Variants in CDC5L observed in about 807,000 individuals in gnomAD.
CDC5L encodes cell division cycle 5 like, also known as cell division cycle 5-like protein.
CDC5L carries 18 observed loss-of-function variants against 104.1 expected under a neutral mutation model. The ratio of observed to expected loss-of-function variants is 0.17; its 90% CI spans 0.12 to 0.26. The LOEUF (loss-of-function observed/expected upper bound fraction) is 0.26, where lower values mean the gene tolerates loss of function less well. Among genes scored for constraint, CDC5L ranks in the 10% least tolerant of loss-of-function variants. The pLI, the probability that CDC5L is intolerant of heterozygous loss-of-function variation, is 1.00. For synonymous variants in CDC5L, 331 were observed against 322.7 expected (o/e 1.03, Z -0.28); for missense variants, 673 against 956.9 (o/e 0.70, Z 3.91).
chr6:44,414,812 T>A (rs1161996958), intron 8 of CDC5L, among the ~76,000 whole-genome samples: 1 of 152,232 alleles, frequency 6.6e-6, no homozygotes, highest in African/African-American at 2.4e-5. Flanking sequence ...TATCTTTTTC[T>A]TTTTTGCTTA....
At chr6:44,424,328 C>A in intron 10 of CDC5L, 91 bp from the exon 11 acceptor site, 1 of 1,077,358 alleles carries the variant, frequency 9.3e-7, no homozygotes, top group Non-Finnish European at 1.4e-6. Flanking sequence ...CTAGAGTCAC[C>A]CTGTTGTGCT....
chr6:44,394,855 C>CAA (rs60864045), intron 4 of CDC5L, among the ~76,000 whole-genome samples: 1 of 59,064 alleles, frequency 1.7e-5, no homozygotes, highest in East Asian at 5.9e-4. Flanking sequence ...GACCCTGTCT[C>CAA]AAAAAAAAAA....
intron 15 of CDC5L, 64 bp downstream of exon 15, chr6:44,445,931 C>T (rs1301136802): frequency 5.7e-6 from 7 of 1,229,124 alleles, no homozygotes. Flanking sequence ...GGGCTGTCCT[C>T]TTTTACTTCT....
At chr6:44,388,128 G>C (rs1195388522) in intron 1 of CDC5L, among the ~76,000 whole-genome samples, 1 of 136,552 alleles carries the variant, frequency 7.3e-6, no homozygotes, top group Non-Finnish European at 1.5e-5. Context: ...TTGTTGACTT[G>C]AATACGCCCC....
rs487711 is a variant in CDC5L at position 44,430,146 on chromosome 6, G to C, written c.2091+236G>C. Reference sequence around the variant, plus strand: ...TTGTTGGCCTTCATGACTAAAGAGTGCCCTGCAAGTTGACCAGAGGTCAAT... The same window carrying C: ...TTGTTGGCCTTCATGACTAAAGAGTCCCCTGCAAGTTGACCAGAGGTCAAT... On this transcript the variant is annotated intron_variant, in intron 14 of 15. Coordinates refer to ENST00000371477, the MANE Select transcript of CDC5L (RefSeq NM_001253.4). Among the ~76,000 whole-genome samples, 1,103 of 151,164 alleles carry C rather than the reference G, an allele frequency of 7.3e-3. 11 individuals are homozygous for C. Among genetic ancestry groups the C allele is most frequent in the African/African-American group, 0.025 (1,026 of 41,148 alleles).
In CDC5L at chr6:44,445,538, GTTC is replaced by G. The variant is rs1380138871; in HGVS notation, c.2092-115_2092-113del. The G allele has an allele frequency of 1.4e-5, 9 of 648,334 alleles. No homozygotes were observed. The African/African-American group carries it at 1.7e-4, about 12-fold the overall frequency. 40.2% of individuals were successfully genotyped at this position (648,334 alleles called of 1,614,324 possible). On this transcript the variant is annotated intron_variant, in intron 14 of 15. Coordinates refer to ENST00000371477, the MANE Select transcript of CDC5L (RefSeq NM_001253.4). ...TGTTACAGTAATTGAGCTATAAGGA[GTTC>G]TAGTGTATTTTTGCTTTGAGACACA...
intron 10 of CDC5L, among the ~76,000 whole-genome samples, 170 bp from the exon 11 acceptor site, chr6:44,424,249 A>G (rs1045823171): frequency 8.5e-5 from 13 of 152,196 alleles, no homozygotes; most frequent in Admixed American, 4.6e-4. Context: ...CATCCCCTCA[A>G]GCATTTAACC....
chr6:44,432,920 C>T (rs1253295070), intron 14 of CDC5L, among the ~76,000 whole-genome samples: 1 of 152,124 alleles, frequency 6.6e-6, no homozygotes, highest in African/African-American at 2.4e-5. Flanking sequence ...CATGCTGTGT[C>T]CATTTTTACA....
In CDC5L at chr6:44,447,760, TGACA is replaced by T. The variant is rs1468179272; in HGVS notation, c.*1054_*1057del. 1 of 152,202 alleles carries T rather than the reference TGACA, an allele frequency of 6.6e-6. No individual in the cohort carries two copies. Among genetic ancestry groups the T allele is most frequent in the Non-Finnish European group, 1.5e-5 (1 of 68,020 alleles). 9.4% of individuals were successfully genotyped at this position (152,202 alleles called of 1,614,324 possible). On this transcript the variant is annotated 3_prime_UTR_variant, in exon 16 of 16. Coordinates refer to ENST00000371477, the MANE Select transcript of CDC5L (RefSeq NM_001253.4). ...AGTAGAGCTTATAGTCTTTTGAGAA[TGACA>T]GACAATTAAAATCCAAATGTTTATT...
chr6:44,415,117 T>C (rs1463450717), intron 8 of CDC5L, among the ~76,000 whole-genome samples: 1 of 152,240 alleles, frequency 6.6e-6, no homozygotes, highest in African/African-American at 2.4e-5. Flanking sequence ...GGACTTTCAA[T>C]TCTGTCTCAT....
Position 44,434,452 on chromosome 6 carries a change from A to G in CDC5L, c.2091+4542A>G, listed in dbSNP as rs374201141. On this transcript the variant is annotated intron_variant, in intron 14 of 15. Transcript: ENST00000371477. ...AATGCTGGTAATTGGTATAGAGATT[A>G]AAGGAGAATCACTCATAGACTCCTG... is the stretch of plus-strand genomic sequence containing the variant. Among the ~76,000 whole-genome samples the G allele has an allele frequency of 1.2e-4, 19 of 152,316 alleles. No individual in the cohort carries two copies. The East Asian group carries it at 2.1e-3, about 17-fold the overall frequency.
intron 11 of CDC5L, 101 bp from the exon 12 acceptor site, chr6:44,426,002 A>G (rs1473845529): frequency 7.2e-6 from 5 of 689,774 alleles, no homozygotes; most frequent in Non-Finnish European, 1.2e-5. Context: ...AACTTTAGCT[A>G]TTGAACACAC....
chr6:44,396,547 C>A, intron 5 of CDC5L, 107 bp downstream of exon 5: 1 of 655,040 alleles, frequency 1.5e-6, no homozygotes, highest in Non-Finnish European at 2.7e-6. Context: ...TTTCCCCTCT[C>A]CACCAGCAAT....
chr6:44,390,159 G>A, intron 1 of CDC5L, 109 bp from the exon 2 acceptor site: 2 of 670,494 alleles, frequency 3.0e-6, no homozygotes, highest in East Asian at 2.7e-5. Flanking sequence ...GTGTGTATGT[G>A]CATGTTATAT....
intron 8 of CDC5L, among the ~76,000 whole-genome samples, chr6:44,408,962 C>G (rs1791504290): frequency 6.6e-6 from 1 of 152,196 alleles, no homozygotes; most frequent in Non-Finnish European, 1.5e-5. Context: ...TACTTCCTTG[C>G]ATTTCTGTAC....
chr6:44,387,964 T>G lies in CDC5L; in HGVS notation c.45+96T>G. ...TCGGGGGGGCGACGAGGAGACCCTGTGGGGTCTGCGTGGAGGGCAGCCCGG... is the reference window on the plus strand; with the variant it reads ...TCGGGGGGGCGACGAGGAGACCCTGGGGGGTCTGCGTGGAGGGCAGCCCGG... On this transcript the variant is annotated intron_variant, in intron 1 of 15. Coordinates refer to ENST00000371477, the MANE Select transcript of CDC5L (RefSeq NM_001253.4). 3 of 1,161,268 alleles carry G rather than the reference T, an allele frequency of 2.6e-6. No individual in the cohort carries two copies. The South Asian group carries it at 4.0e-5, about 15-fold the overall frequency. The allele number at this position is 1,161,268 out of a possible 1,614,324, so 71.9% of individuals were successfully genotyped here.
intron 8 of CDC5L, among the ~76,000 whole-genome samples, chr6:44,413,224 T>A (rs1260639702): frequency 1.3e-5 from 2 of 152,232 alleles, no homozygotes; most frequent in Non-Finnish European, 2.9e-5. Flanking sequence ...TGCACATATA[T>A]GTAAATGAAA....
intron 14 of CDC5L, among the ~76,000 whole-genome samples, chr6:44,436,902 C>T (rs1396096887): frequency 6.6e-6 from 1 of 152,146 alleles, no homozygotes; most frequent in Non-Finnish European, 1.5e-5. Flanking sequence ...TATCAAGTGT[C>T]GGTCTACTTT....
At chr6:44,400,463 C>T (rs1791069858) in intron 5 of CDC5L, among the ~76,000 whole-genome samples, 1 of 152,238 alleles carries the variant, frequency 6.6e-6, no homozygotes, top group African/African-American at 2.4e-5. Flanking sequence ...TCTCGGCTCA[C>T]TGCAACTTCT....
Sources: allele counts gnomAD v4.1 joint callset (sites outside exome capture counted in the v4.1 genomes callset), GRCh38; gene constraint gnomAD v4.1.1; transcripts MANE v1.5; gene names NCBI Gene and HGNC (gene_info 2026-07-23, HGNC 2026-07-21).